The following CDH6 variants were observed in gnomAD, a reference collection of about 807,000 sequenced individuals.
CDH6 encodes the protein cadherin-6.
CDH6 carries 31 observed loss-of-function variants against 78.0 expected under a neutral mutation model. That is an observed-to-expected ratio of 0.40 (90% CI 0.30 to 0.54). The LOEUF (loss-of-function observed/expected upper bound fraction) is 0.54, where lower values mean the gene tolerates loss of function less well. Ranked by LOEUF, CDH6 falls within the 20% of genes least tolerant of loss-of-function variation. The probability of loss-of-function intolerance (pLI) is 0.56; values close to 1 mark genes in which losing one functional copy is unlikely to be tolerated. For synonymous variants in CDH6, 376 were observed against 368.8 expected, an observed-to-expected ratio of 1.02 and a Z score of -0.23; for missense variants, 724 against 975.9, an observed-to-expected ratio of 0.74 and a Z score of 3.44.
intron 1 of CDH6, among the ~76,000 whole-genome samples, chr5:31,218,185 T>TTAATTA (rs2111824946): frequency 6.6e-6 from 1 of 152,282 alleles, no homozygotes; most frequent in Non-Finnish European, 1.5e-5. Context: ...TATTTTAAGC[T>TTAATTA]TAATTATAAT....
intron 7 of CDH6, among the ~76,000 whole-genome samples, chr5:31,309,286 T>A: frequency 6.6e-6 from 1 of 152,260 alleles, no homozygotes. Flanking sequence ...ACTCACTAGA[T>A]AACAAAAATA....
At chr5:31,291,255 G>A (rs1453762850) in intron 2 of CDH6, among the ~76,000 whole-genome samples, 1 of 152,062 alleles carries the variant, frequency 6.6e-6, no homozygotes. Context: ...CCATGTGTCT[G>A]TAAAATTGGG....
chr5:31,300,348 A>G (rs371787536), intron 5 of CDH6, among the ~76,000 whole-genome samples: 3 of 152,170 alleles, frequency 2.0e-5, no homozygotes, highest in Admixed American at 6.5e-5. Flanking sequence ...AGCTATCTCA[A>G]TTATTCAATA....
intron 11 of CDH6, among the ~76,000 whole-genome samples, chr5:31,322,263 T>C (rs775614683): frequency 6.6e-6 from 1 of 152,164 alleles, no homozygotes; most frequent in Non-Finnish European, 1.5e-5. Context: ...ATAATATTGC[T>C]TTATATGTAG....
chr5:31,253,487 A>T (rs1741970157), intron 1 of CDH6, among the ~76,000 whole-genome samples: 1 of 152,108 alleles, frequency 6.6e-6, no homozygotes, highest in East Asian at 1.9e-4. Flanking sequence ...TCCTTTATAA[A>T]TTACCCAGTC....
intron 6 of CDH6, among the ~76,000 whole-genome samples, chr5:31,303,448 C>T (rs748458639): frequency 5.3e-5 from 8 of 152,100 alleles, no homozygotes; most frequent in Non-Finnish European, 1.2e-4. Context: ...CCATAAATTT[C>T]CTGGTACCTC....
chr5:31,259,840 G>T (rs896070458), intron 1 of CDH6, among the ~76,000 whole-genome samples: 2 of 152,184 alleles, frequency 1.3e-5, no homozygotes, highest in Non-Finnish European at 2.9e-5. Context: ...AAGGGAGATG[G>T]CAAATGGCAT....
In CDH6 at chr5:31,294,344, T is replaced by C. The variant is rs1380357492; in HGVS notation, c.523+88T>C. On this transcript the variant is annotated intron_variant, in intron 3 of 11. Transcript: ENST00000265071. This position sits in a 1 kb window ranked among gnomAD's most constrained non-coding sequence, Gnocchi z 4.1. Reference sequence around the variant, plus strand: ...ATCCCACGAGCTCAAAGTACTGAACTGCATGAATTTAGATGCTAACTTCTT... The same window carrying C: ...ATCCCACGAGCTCAAAGTACTGAACCGCATGAATTTAGATGCTAACTTCTT... 9 of 1,041,182 alleles carry C rather than the reference T, an allele frequency of 8.6e-6. No homozygotes were observed. Among genetic ancestry groups the C allele is most frequent in the Non-Finnish European group, 8.6e-6 (6 of 697,010 alleles). The allele number at this position is 1,041,182 out of a possible 1,614,324, so 64.5% of individuals were successfully genotyped here. A position where few individuals can be genotyped will look rare whatever the true frequency, so the allele number is the denominator to read the frequency against.
intron 1 of CDH6, among the ~76,000 whole-genome samples, chr5:31,248,083 AGTAT>A (rs1741805891): frequency 6.6e-6 from 1 of 152,208 alleles, no homozygotes; most frequent in African/African-American, 2.4e-5. Flanking sequence ...GTTTTTATTA[AGTAT>A]GTGTGTTATA....
intron 2 of CDH6, among the ~76,000 whole-genome samples, chr5:31,274,911 C>T (rs962587551): frequency 6.6e-5 from 10 of 152,220 alleles, no homozygotes; most frequent in African/African-American, 2.4e-4. Flanking sequence ...GTTACTTCCA[C>T]ACTCCAACAA....
chr5:31,315,897 T>G (rs759437168), intron 8 of CDH6, among the ~76,000 whole-genome samples: 2 of 152,252 alleles, frequency 1.3e-5, no homozygotes, highest in Non-Finnish European at 2.9e-5. Context: ...CCCATCTGCC[T>G]GCTTCCTTGA....
intron 2 of CDH6, among the ~76,000 whole-genome samples, chr5:31,274,554 T>G (rs1249508303): frequency 6.6e-6 from 1 of 152,252 alleles, no homozygotes; most frequent in Non-Finnish European, 1.5e-5. Flanking sequence ...GGCATGTGGC[T>G]TACGCCTGTA....
At chr5:31,280,337 A>G (rs1742823686) in intron 2 of CDH6, among the ~76,000 whole-genome samples, 1 of 152,180 alleles carries the variant, frequency 6.6e-6, no homozygotes, top group Non-Finnish European at 1.5e-5. Flanking sequence ...CACATGTACA[A>G]GCATTCCTCA....
At chr5:31,208,143 T>A (rs1194639288) in intron 1 of CDH6, among the ~76,000 whole-genome samples, 7 of 152,222 alleles carry the variant, frequency 4.6e-5, no homozygotes. Context: ...ACATATAGAA[T>A]ATGCTCTGCT....
At chr5:31,265,998 G>A (rs533765516) in intron 1 of CDH6, among the ~76,000 whole-genome samples, 12 of 151,700 alleles carry the variant, frequency 7.9e-5, no homozygotes, top group African/African-American at 2.4e-4. Flanking sequence ...GGATGGTCTC[G>A]ATCTCCTGAC....
intron 1 of CDH6, among the ~76,000 whole-genome samples, chr5:31,204,723 G>A (rs1344041965): frequency 6.6e-6 from 1 of 152,076 alleles, no homozygotes; most frequent in Non-Finnish European, 1.5e-5. Flanking sequence ...AATCACAGAA[G>A]ATGAGAGCCA....
At chr5:31,226,597 A>G (rs4571485) in intron 1 of CDH6, among the ~76,000 whole-genome samples, 117,468 of 152,072 alleles carry the variant, frequency 0.77, 45,550 homozygotes, top group Middle Eastern at 0.85. Context: ...TTCACACAGC[A>G]TATTAGGGAA....
chr5:31,242,533 T>C (rs762534936), intron 1 of CDH6, among the ~76,000 whole-genome samples: 4 of 152,198 alleles, frequency 2.6e-5, no homozygotes, highest in South Asian at 2.1e-4. Flanking sequence ...TGGCTCACCA[T>C]AACAGTGAAT....
intron 2 of CDH6, among the ~76,000 whole-genome samples, chr5:31,292,750 T>C (rs1737409501): frequency 1.6e-5 from 1 of 60,906 alleles, no homozygotes; most frequent in Non-Finnish European, 3.1e-5. Flanking sequence ...AGACTGAATA[T>C]ATATATATAT....
Sources: gnomAD v4.1 joint callset for allele counts (sites outside exome capture counted in the v4.1 genomes callset) on GRCh38, gnomAD v4.1.1 for gene constraint, Gnocchi (gnomAD v3.1) non-coding constraint, MANE v1.5 for transcripts, NCBI Gene and HGNC (gene_info 2026-07-23, HGNC 2026-07-21) for gene names.